The following PPP1R14C variants were observed in gnomAD, a reference collection of about 807,000 sequenced individuals.
PPP1R14C encodes protein phosphatase 1 regulatory subunit 14C.
In PPP1R14C, 16 loss-of-function variants were observed where a neutral mutation model predicts 20.4. The observed-to-expected ratio is 0.78, with a 90% CI of 0.53 to 1.19. The LOEUF (loss-of-function observed/expected upper bound fraction) is 1.19, where lower values mean the gene tolerates loss of function less well. Among genes scored for constraint, PPP1R14C ranks in the 50% most tolerant of loss-of-function variants. The pLI is 0.00. For missense variants in PPP1R14C, 211 were observed against 220.1 expected (o/e 0.96, Z 0.26); for synonymous variants, 91 against 91.0 (o/e 1.00, Z 0.00).
At chr6:150,200,296 T>C (rs1028307536) in intron 1 of PPP1R14C, among the ~76,000 whole-genome samples, 8 of 150,072 alleles carry the variant, frequency 5.3e-5, no homozygotes, top group African/African-American at 1.7e-4. Context: ...AGTACAGGAT[T>C]TTAAATAGAC....
At chr6:150,145,083 C>T (rs982916631) in intron 1 of PPP1R14C, among the ~76,000 whole-genome samples, 12 of 151,908 alleles carry the variant, frequency 7.9e-5, no homozygotes, top group African/African-American at 2.7e-4. Context: ...CAGCATGGTT[C>T]TTTTTGTGGG....
intron 1 of PPP1R14C, among the ~76,000 whole-genome samples, chr6:150,174,567 A>C (rs968352105): frequency 1.3e-5 from 2 of 151,988 alleles, no homozygotes; most frequent in African/African-American, 4.8e-5. Flanking sequence ...AGAGGGTAGG[A>C]ACATTGGCTT....
intron 1 of PPP1R14C, among the ~76,000 whole-genome samples, chr6:150,212,735 C>G (rs954338374): frequency 6.6e-6 from 1 of 152,144 alleles, no homozygotes; most frequent in Non-Finnish European, 1.5e-5. Context: ...ATTATAATAC[C>G]CTGTTTTTAA....
intron 1 of PPP1R14C, among the ~76,000 whole-genome samples, chr6:150,176,517 T>C (rs531650141): frequency 1.3e-5 from 2 of 152,342 alleles, no homozygotes; most frequent in East Asian, 3.9e-4. Flanking sequence ...ACCAGATAAG[T>C]TCAGGGTTCA....
intron 3 of PPP1R14C, among the ~76,000 whole-genome samples, chr6:150,237,841 T>C (rs895147782): frequency 1.3e-5 from 2 of 152,160 alleles, no homozygotes; most frequent in Admixed American, 6.5e-5. Context: ...CTTCTTACCA[T>C]GTGTGGTATG....
intron 3 of PPP1R14C, among the ~76,000 whole-genome samples, chr6:150,220,734 T>C (rs1048612688): frequency 6.6e-6 from 1 of 152,226 alleles, no homozygotes; most frequent in African/African-American, 2.4e-5. Context: ...AACAGTGAAA[T>C]GCAGTAAAAG....
At chr6:150,245,459 G>A (rs887724597) in intron 3 of PPP1R14C, among the ~76,000 whole-genome samples, 3 of 152,150 alleles carry the variant, frequency 2.0e-5, no homozygotes, top group African/African-American at 7.2e-5. Context: ...CCAGCCCTCC[G>A]CCACAGTCAC....
At chr6:150,192,294 C>T (rs890699435) in intron 1 of PPP1R14C, among the ~76,000 whole-genome samples, 22 of 152,224 alleles carry the variant, frequency 1.4e-4, no homozygotes, top group South Asian at 4.2e-4. Flanking sequence ...GCTAGTTTCA[C>T]GGGAGACAAT....
intron 3 of PPP1R14C, among the ~76,000 whole-genome samples, chr6:150,229,829 CGCCAT>C (rs1397758104): frequency 6.6e-6 from 1 of 152,086 alleles, no homozygotes; most frequent in African/African-American, 2.4e-5. Flanking sequence ...AGTTCTGGTG[CGCCAT>C]GCCAGCAAAT....
intron 3 of PPP1R14C, among the ~76,000 whole-genome samples, chr6:150,247,340 A>G (rs1778504794): frequency 6.6e-6 from 1 of 152,196 alleles, no homozygotes; most frequent in African/African-American, 2.4e-5. Flanking sequence ...TTTGTATTTG[A>G]CAAATATAAA....
At chr6:150,177,460 G>A (rs1452658499) in intron 1 of PPP1R14C, among the ~76,000 whole-genome samples, 1 of 152,200 alleles carries the variant, frequency 6.6e-6, no homozygotes, top group Non-Finnish European at 1.5e-5. Context: ...TGACAGCAGA[G>A]AAGGCAAGCG....
chr6:150,226,595 G>A (rs1211244117), intron 3 of PPP1R14C, among the ~76,000 whole-genome samples: 2 of 152,110 alleles, frequency 1.3e-5, no homozygotes. Context: ...CTTACCGTCT[G>A]TTAGGGGAGT....
At chr6:150,224,431 G>A (rs77093859) in intron 3 of PPP1R14C, among the ~76,000 whole-genome samples, 2 of 152,196 alleles carry the variant, frequency 1.3e-5, no homozygotes, top group East Asian at 3.8e-4. Flanking sequence ...TGTAGATCAA[G>A]TTGGGAAGAA....
chr6:150,223,708 T>C (rs1229158030), intron 3 of PPP1R14C, among the ~76,000 whole-genome samples: 1 of 152,170 alleles, frequency 6.6e-6, no homozygotes, highest in African/African-American at 2.4e-5. Flanking sequence ...TTGTTTTTTT[T>C]TGTTGTTGAA....
In PPP1R14C at chr6:150,219,930, G is replaced by C. The variant is rs538701048; in HGVS notation, c.423+3074G>C. Reference sequence around the variant, plus strand: ...GGGTGCAGTGGCGCCATGTAGGCTCGCTGAAAAACCTGCCTTCCGGGTTCA... The same window carrying C: ...GGGTGCAGTGGCGCCATGTAGGCTCCCTGAAAAACCTGCCTTCCGGGTTCA... On this transcript the variant is annotated intron_variant, in intron 3 of 3. Transcript: ENST00000361131. 3.9e-5 allele frequency among the ~76,000 whole-genome samples: 6 copies of C among 152,042 alleles called. No homozygotes were observed. In the East Asian group the frequency reaches 1.2e-3, roughly 30 times the overall value.
In PPP1R14C at chr6:150,185,730, C is replaced by T. The variant is rs1422385654; in HGVS notation, c.307-29014C>T. Among the ~76,000 whole-genome samples the T allele has an allele frequency of 6.6e-6, 1 of 152,082 alleles. No individual in the cohort carries two copies. The highest frequency in any genetic ancestry group is 1.5e-5 in the Non-Finnish European group (1 of 68,032). On this transcript the variant is annotated intron_variant, in intron 1 of 3. Transcript: ENST00000361131. This position sits in a 1 kb window ranked among gnomAD's most constrained non-coding sequence, Gnocchi z 4.1. ...GAGGCTATGTTACACTCAGGAGTGA[C>T]CCAAACTTTCAGTGGCTTAAACCGA...
At position 150,249,897 on chromosome 6, in the gene PPP1R14C, G is replaced by C. The variant is rs1582939369; in HGVS notation, c.*1077G>C. The C allele has an allele frequency of 5.3e-6, 1 of 190,128 alleles. No individual in the cohort carries two copies. The highest frequency in any genetic ancestry group is 6.1e-5 in the Admixed American group (1 of 16,432). The allele number at this position is 190,128 out of a possible 1,614,324, so 11.8% of individuals were successfully genotyped here. A position where few individuals can be genotyped will look rare whatever the true frequency, so the allele number is the denominator to read the frequency against. ...AGTTGCTCTAGGAGCTGAGTTGCTG[G>C]TTTGGAAGTGTGGAGATTGCATTTC... is the stretch of plus-strand genomic sequence containing the variant. On this transcript the variant is annotated 3_prime_UTR_variant, in exon 4 of 4. Coordinates refer to ENST00000361131, the MANE Select transcript of PPP1R14C (RefSeq NM_030949.3).
intron 1 of PPP1R14C, among the ~76,000 whole-genome samples, chr6:150,153,381 G>A (rs1777271758): frequency 6.6e-6 from 1 of 152,194 alleles, no homozygotes; most frequent in Admixed American, 6.5e-5. Flanking sequence ...AGGAAGTTGT[G>A]GCGTAAGGCA....
intron 3 of PPP1R14C, among the ~76,000 whole-genome samples, chr6:150,227,750 A>C (rs1449817489): frequency 6.6e-6 from 1 of 152,238 alleles, no homozygotes; most frequent in Non-Finnish European, 1.5e-5. Context: ...GGAATTGAGA[A>C]GGACAGACCA....
Sources: allele counts gnomAD v4.1 joint callset (sites outside exome capture counted in the v4.1 genomes callset), GRCh38; gene constraint gnomAD v4.1.1; non-coding constraint Gnocchi (gnomAD v3.1); transcripts MANE v1.5; gene names NCBI Gene and HGNC (gene_info 2026-07-23, HGNC 2026-07-21).